Variants in LUZP2 observed in about 807,000 individuals in gnomAD.
The protein encoded by LUZP2 is leucine zipper protein 2.
In LUZP2, 52 loss-of-function variants were observed where a neutral mutation model predicts 51.6. That is an observed-to-expected ratio of 1.01 (90% CI 0.81 to 1.27). The LOEUF (loss-of-function observed/expected upper bound fraction) is 1.27, where lower values mean the gene tolerates loss of function less well. LUZP2 is among the 50% of genes most tolerant of loss of function. The probability of loss-of-function intolerance (pLI) is 0.00; values close to 1 mark genes in which losing one functional copy is unlikely to be tolerated. For synonymous variants in LUZP2, 154 were observed against 137.3 expected, an observed-to-expected ratio of 1.12 and a Z score of -0.85; for missense variants, 436 against 395.4, an observed-to-expected ratio of 1.10 and a Z score of -0.87.
At chr11:24,706,761 A>G (rs778661933) in intron 1 of LUZP2, among the ~76,000 whole-genome samples, 19 of 152,074 alleles carry the variant, frequency 1.2e-4, no homozygotes, top group Non-Finnish European at 2.2e-4. Flanking sequence ...GTTTCTTTTC[A>G]TTAATATCTG....
At chr11:24,505,353 A>G (rs1293694225) in intron 1 of LUZP2, among the ~76,000 whole-genome samples, 1 of 152,150 alleles carries the variant, frequency 6.6e-6, no homozygotes, top group Non-Finnish European at 1.5e-5. Context: ...ATCCAAAAGA[A>G]TCCAAGCTCA....
chr11:24,663,731 G>A (rs1049630388), intron 1 of LUZP2, among the ~76,000 whole-genome samples: 2 of 152,122 alleles, frequency 1.3e-5, no homozygotes, highest in African/African-American at 4.8e-5. Context: ...GGGACCCAGT[G>A]GGAGGTAATT....
rs1450518733 is a variant in LUZP2 at position 25,082,060 on chromosome 11, T to A, written c.*3402T>A. The A allele has an allele frequency of 6.6e-6, 1 of 152,488 alleles. No individual in the cohort carries two copies. The highest frequency in any genetic ancestry group is 1.5e-5 in the Non-Finnish European group (1 of 68,010). 9.4% of individuals were successfully genotyped at this position (152,488 alleles called of 1,614,324 possible). ...GCATTAAACTTGAATGCTGTGTCTA[T>A]CCAATGCCAAAATGCTCAGAAGAAA... On this transcript the variant is annotated 3_prime_UTR_variant, in exon 12 of 12. Coordinates refer to ENST00000336930, the MANE Select transcript of LUZP2 (RefSeq NM_001009909.4).
chr11:24,548,866 G>A (rs1851638383), intron 1 of LUZP2, among the ~76,000 whole-genome samples: 1 of 151,962 alleles, frequency 6.6e-6, no homozygotes, highest in Non-Finnish European at 1.5e-5. Flanking sequence ...TCATATTCTA[G>A]AAGTAGATGT....
At chr11:24,707,919 C>G (rs1054706997) in intron 1 of LUZP2, among the ~76,000 whole-genome samples, 1 of 152,144 alleles carries the variant, frequency 6.6e-6, no homozygotes, top group Non-Finnish European at 1.5e-5. Context: ...GTTCTTATCT[C>G]TGACGCACGT....
intron 5 of LUZP2, among the ~76,000 whole-genome samples, chr11:24,832,592 A>G (rs1183046553): frequency 6.6e-6 from 1 of 151,748 alleles, no homozygotes; most frequent in Non-Finnish European, 1.5e-5. Context: ...AAAATTACAA[A>G]TCATGCAAAA....
intron 9 of LUZP2, among the ~76,000 whole-genome samples, chr11:25,026,805 A>G (rs1857506675): frequency 6.6e-6 from 1 of 151,922 alleles, no homozygotes; most frequent in Admixed American, 6.6e-5. Context: ...CGAGAAAAGA[A>G]GAAAAAGTAA....
chr11:24,995,785 A>T (rs548307315), intron 9 of LUZP2, among the ~76,000 whole-genome samples: 13 of 152,124 alleles, frequency 8.5e-5, no homozygotes, highest in African/African-American at 2.6e-4. Context: ...TCTAAATTCA[A>T]TTCACAATTG....
At chr11:24,841,752 G>T (rs1011241150) in intron 5 of LUZP2, among the ~76,000 whole-genome samples, 4 of 152,164 alleles carry the variant, frequency 2.6e-5, no homozygotes, top group African/African-American at 9.6e-5. Flanking sequence ...TAGGCCTTGG[G>T]CCCTAGCAGG....
chr11:24,820,840 T>G (rs1850336910), intron 5 of LUZP2, among the ~76,000 whole-genome samples: 1 of 152,132 alleles, frequency 6.6e-6, no homozygotes, highest in South Asian at 2.1e-4. Flanking sequence ...GGAAGTCACT[T>G]AGACAAGTCT....
At chr11:24,689,159 G>A (rs1373088648) in intron 1 of LUZP2, among the ~76,000 whole-genome samples, 2 of 152,168 alleles carry the variant, frequency 1.3e-5, no homozygotes, top group African/African-American at 4.8e-5. Flanking sequence ...TGGGACTTGA[G>A]AGATCCAAGT....
intron 1 of LUZP2, among the ~76,000 whole-genome samples, chr11:24,667,847 C>T (rs749745303): frequency 4.6e-5 from 7 of 152,146 alleles, no homozygotes; most frequent in Non-Finnish European, 1.0e-4. Context: ...GAAAGTCCCC[C>T]AAAACTTAAG....
chr11:24,654,325 T>C (rs1471084272), intron 1 of LUZP2, among the ~76,000 whole-genome samples: 1 of 152,240 alleles, frequency 6.6e-6, no homozygotes, highest in Non-Finnish European at 1.5e-5. Flanking sequence ...TTCTGTCAGC[T>C]AAAACTTTGT....
At chr11:24,534,680 C>T (rs1255952028) in intron 1 of LUZP2, among the ~76,000 whole-genome samples, 1 of 151,392 alleles carries the variant, frequency 6.6e-6, no homozygotes, top group East Asian at 1.9e-4. Flanking sequence ...CCTATAAATT[C>T]CTTAGCAGAC....
intron 7 of LUZP2, among the ~76,000 whole-genome samples, chr11:24,922,825 C>CTTTTTTTTTTTTTTTTTTTTTTT (rs1277388215): frequency 6.7e-5 from 3 of 44,622 alleles, no homozygotes; most frequent in African/African-American, 9.1e-5. Flanking sequence ...ACAGTTATAT[C>CTTTTTTTTTTTTTTTTTTTTTTT]TTTTTTTTTT....
chr11:25,073,664 C>G (rs1169044664), intron 10 of LUZP2, among the ~76,000 whole-genome samples: 3 of 152,136 alleles, frequency 2.0e-5, no homozygotes, highest in African/African-American at 7.2e-5. Flanking sequence ...AGCCCCTCTA[C>G]TCAGCACCTT....
intron 4 of LUZP2, among the ~76,000 whole-genome samples, chr11:24,758,706 G>T (rs1859864340): frequency 6.6e-6 from 1 of 151,968 alleles, no homozygotes; most frequent in African/African-American, 2.4e-5. Context: ...TGCTATTTTA[G>T]ATTTAAGAGC....
At chr11:24,961,599 G>T (rs1855408393) in intron 7 of LUZP2, among the ~76,000 whole-genome samples, 1 of 151,922 alleles carries the variant, frequency 6.6e-6, no homozygotes, top group Non-Finnish European at 1.5e-5. Context: ...CCATTTGCTT[G>T]GTAGATCTTC....
chr11:24,907,337 A>T (rs1285377973), intron 6 of LUZP2, among the ~76,000 whole-genome samples: 1 of 151,894 alleles, frequency 6.6e-6, no homozygotes, highest in South Asian at 2.1e-4. Context: ...ATACAAAATA[A>T]CATGCAATGT....
Sources: gnomAD v4.1 joint callset for allele counts (sites outside exome capture counted in the v4.1 genomes callset) on GRCh38, gnomAD v4.1.1 for gene constraint, MANE v1.5 for transcripts, NCBI Gene and HGNC (gene_info 2026-07-23, HGNC 2026-07-21) for gene names.